The following MGAT1 variants were observed in gnomAD, a reference collection of about 807,000 sequenced individuals.
MGAT1 encodes the protein alpha-1,3-mannosyl-glycoprotein 2-beta-N-acetylglucosaminyltransferase.
Under a neutral mutation model 31.7 loss-of-function variants are expected in MGAT1, and 14 were observed. The observed-to-expected ratio is 0.44, with a 90% CI of 0.29 to 0.69. The LOEUF (loss-of-function observed/expected upper bound fraction) is 0.69, where lower values mean the gene tolerates loss of function less well. Among genes scored for constraint, MGAT1 ranks in the 30% least tolerant of loss-of-function variants. The pLI, the probability that MGAT1 is intolerant of heterozygous loss-of-function variation, is 0.12. For missense variants in MGAT1, 557 were observed against 626.0 expected (o/e 0.89, Z 1.18); for synonymous variants, 338 against 276.0 (o/e 1.22, Z -2.23).
Position 180,785,104 on chromosome 5 carries a change from T to G in MGAT1, c.*6530A>C, listed in dbSNP as rs1767483984. 1 of 152,250 alleles carries G rather than the reference T, an allele frequency of 6.6e-6. No individual in the cohort carries two copies. Among genetic ancestry groups the G allele is most frequent in the Non-Finnish European group, 1.5e-5 (1 of 68,050 alleles). 9.4% of individuals were successfully genotyped at this position (152,250 alleles called of 1,614,324 possible). The stretch of plus-strand genomic sequence containing the variant: ...GTTTTGGAAGGAAAAAATATTCCCA[T>G]CCTTTAATTCAAGAACATCTACGTA... On this transcript the variant is annotated 3_prime_UTR_variant, in exon 2 of 2. Coordinates refer to ENST00000307826, the MANE Select transcript of MGAT1 (RefSeq NM_002406.4).
intron 1 of MGAT1, among the ~76,000 whole-genome samples, chr5:180,798,745 G>A (rs956935662): frequency 6.6e-6 from 1 of 152,194 alleles, no homozygotes; most frequent in African/African-American, 2.4e-5. Flanking sequence ...TCTCTCTCCT[G>A]CTGTGGCTAT....
intron 1 of MGAT1, among the ~76,000 whole-genome samples, chr5:180,815,178 C>T (rs10040542): frequency 0.096 from 14,557 of 151,988 alleles, 803 homozygotes; most frequent in South Asian, 0.17. Flanking sequence ...CTCTTCCTCT[C>T]TTATAAAGCC....
intron 1 of MGAT1, chr5:180,809,450 C>T (rs1156510385): frequency 6.6e-6 from 1 of 152,108 alleles, no homozygotes; most frequent in Non-Finnish European, 1.5e-5. Context: ...GTCTAAAGCG[C>T]AACATAATAA....
At chr5:180,801,772 T>G (rs1380224305) in intron 1 of MGAT1, among the ~76,000 whole-genome samples, 1 of 152,196 alleles carries the variant, frequency 6.6e-6, no homozygotes, top group Non-Finnish European at 1.5e-5. Flanking sequence ...CTGACGACAG[T>G]GACAATTTCC....
chr5:180,791,252 G>A lies in MGAT1; in HGVS notation c.*382C>T, dbSNP rs932649038. On this transcript the variant is annotated 3_prime_UTR_variant, in exon 2 of 2. Coordinates refer to ENST00000307826, the MANE Select transcript of MGAT1 (RefSeq NM_002406.4). Reference sequence around the variant, plus strand: ...GGGAGCAGGTATAGAAGGAGGGCTCGTGCCCTGGCTGGAAGAGCCAGGTCA... The same window carrying A: ...GGGAGCAGGTATAGAAGGAGGGCTCATGCCCTGGCTGGAAGAGCCAGGTCA... 9.6e-5 allele frequency: 23 copies of A among 240,372 alleles called. No individual in the cohort carries two copies. Among genetic ancestry groups the A allele is most frequent in the African/African-American group, 4.1e-4 (18 of 44,126 alleles). 14.9% of individuals were successfully genotyped at this position (240,372 alleles called of 1,614,324 possible). A position where few individuals can be genotyped will look rare whatever the true frequency, so the allele number is the denominator to read the frequency against.
rs1205663173 is a variant in MGAT1, at chr5:180,786,021, T to C, written c.*5613A>G. ...CTGTCTGCCCACTGCTTTTGTTCCA[T>C]AAAGAATGAGGCTTGCCCTCCCTTC... is the stretch of plus-strand genomic sequence containing the variant. On this transcript the variant is annotated 3_prime_UTR_variant, in exon 2 of 2. Coordinates refer to ENST00000307826, the MANE Select transcript of MGAT1 (RefSeq NM_002406.4). 6.6e-6 allele frequency: 1 copy of C among 152,264 alleles called. No individual in the cohort carries two copies. The highest frequency in any genetic ancestry group is 2.4e-5 in the African/African-American group (1 of 41,458). 9.4% of individuals were successfully genotyped at this position (152,264 alleles called of 1,614,324 possible).
chr5:180,797,914 G>GA (rs1769851736), intron 1 of MGAT1, among the ~76,000 whole-genome samples: 1 of 118,934 alleles, frequency 8.4e-6, no homozygotes, highest in African/African-American at 3.1e-5. Flanking sequence ...AGGATCCTCA[G>GA]CTCTGCCTGG....
rs1300053419 is a variant in MGAT1, at chr5:180,787,927, C to T, written c.*3707G>A. 6.6e-6 allele frequency: 1 copy of T among 152,486 alleles called. No individual in the cohort carries two copies. The highest frequency in any genetic ancestry group is 1.5e-5 in the Non-Finnish European group (1 of 68,216). 9.4% of individuals were successfully genotyped at this position (152,486 alleles called of 1,614,324 possible). On this transcript the variant is annotated 3_prime_UTR_variant, in exon 2 of 2. Coordinates refer to ENST00000307826, the MANE Select transcript of MGAT1 (RefSeq NM_002406.4). ...GGCCAAGAGGCTTGAGGAGGGAAGG[C>T]TGCCCGGAAGGCAGTCTGTCCTGGA...
At chr5:180,812,890 A>T (rs746294464) in intron 1 of MGAT1, among the ~76,000 whole-genome samples, 17 of 152,208 alleles carry the variant, frequency 1.1e-4, no homozygotes, top group Non-Finnish European at 2.1e-4. Flanking sequence ...ATGATAAAAT[A>T]AAAAAGCAAA....
chr5:180,801,291 T>C (rs1345839008), intron 1 of MGAT1, among the ~76,000 whole-genome samples: 1 of 152,226 alleles, frequency 6.6e-6, no homozygotes, highest in Non-Finnish European at 1.5e-5. Flanking sequence ...AGCTGTAAAA[T>C]TAAGTACAGA....
At position 180,787,750 on chromosome 5, in the gene MGAT1, C is replaced by T. The variant is rs1767670643; in HGVS notation, c.*3884G>A. Reference sequence around the variant, plus strand: ...GCTCTGAGGGCTTCGTCTCCGTTTCCCTGGCCCCTCAGCCTTGGCAGGCTT... The same window carrying T: ...GCTCTGAGGGCTTCGTCTCCGTTTCTCTGGCCCCTCAGCCTTGGCAGGCTT... On this transcript the variant is annotated 3_prime_UTR_variant, in exon 2 of 2. Coordinates refer to ENST00000307826, the MANE Select transcript of MGAT1 (RefSeq NM_002406.4). The T allele has an allele frequency of 6.6e-6, 1 of 152,308 alleles. No homozygotes were observed. The highest frequency in any genetic ancestry group is 6.5e-5 in the Admixed American group (1 of 15,274). 9.4% of individuals were successfully genotyped at this position (152,308 alleles called of 1,614,324 possible).
rs145314209 is a variant in MGAT1, at chr5:180,810,856, C to T, written c.-545-1790G>A. 6.8e-3 allele frequency: 1,036 copies of T among 152,364 alleles called. 9 individuals carry two copies. The highest frequency in any genetic ancestry group is 0.015 in the South Asian group (73 of 4,830). The allele number at this position is 152,364 out of a possible 1,614,324, so 9.4% of individuals were successfully genotyped here. On this transcript the variant is annotated intron_variant, in intron 1 of 2. Coordinates refer to the MGAT1 transcript ENST00000333055. ...GACGAGGCAGGGCCCTTGCAGGGTG[C>T]GCCCGCGCTGCCCTCTGACAGGTGC...
At chr5:180,806,078 G>A (rs1261801873), upstream of MGAT1, among the ~76,000 whole-genome samples, 1 of 152,144 alleles carries the variant, frequency 6.6e-6, no homozygotes, top group Non-Finnish European at 1.5e-5. Context: ...ACAAGGTCAG[G>A]AGATTGAGAC....
Position 180,791,902 on chromosome 5 carries a change from T to A in MGAT1, c.1070A>T (p.Asp357Val). Reference protein sequence around the residue: ...SYLQREAYDRDFLARVYGAPQ... With the variant: ...SYLQREAYDRVFLARVYGAPQ... Reference sequence around the variant, plus strand: ...AGCACCGTAGACGCGGGCGAGGAAATCTCGGTCATAGGCCTCCCGCTGCAG... The same window carrying A: ...AGCACCGTAGACGCGGGCGAGGAAAACTCGGTCATAGGCCTCCCGCTGCAG... Residue 357 changes from aspartate (D) to valine (V), a missense_variant, in exon 2 of 2, where the codon GAT (aspartate) becomes GTT (valine). Transcript: ENST00000307826. The A allele has an allele frequency of 6.2e-7, 1 of 1,614,150 alleles. No homozygotes were observed. Among genetic ancestry groups the A allele is most frequent in the Non-Finnish European group, 8.5e-7 (1 of 1,180,024 alleles).
chr5:180,802,013 A>C (rs6893442), intron 1 of MGAT1, among the ~76,000 whole-genome samples: 18,846 of 152,150 alleles, frequency 0.12, 1,232 homozygotes, highest in East Asian at 0.24. Flanking sequence ...AATACCGTAA[A>C]TGACTGAAAA....
rs199977607 is a variant in MGAT1, at chr5:180,792,465, G to A, written c.507C>T (p.Ser169=). The A allele has an allele frequency of 3.1e-6, 5 of 1,612,850 alleles. No homozygotes were observed. Among genetic ancestry groups the A allele is most frequent in the Non-Finnish European group, 8.5e-7 (1 of 1,179,824 alleles). The change falls in exon 2 of 2, where the codon AGC becomes AGT. Residue 169 remains serine, a synonymous_variant. Transcript: ENST00000307826. ...VTHIRQPDLS[S]IAVPPDHRKF... Reference sequence around the variant, plus strand: ...TGCGGTGGTCCGGCGGCACCGCAATGCTGCTCAGGTCGGGCTGCCGGATGT... The same window carrying A: ...TGCGGTGGTCCGGCGGCACCGCAATACTGCTCAGGTCGGGCTGCCGGATGT...
rs1324866021 is a variant in MGAT1 at position 180,792,570 on chromosome 5, G to A, written c.402C>T (p.Leu134=). ...AGTCCTGGCTAACGATGATGGGGAA[G>A]AGCTCAGCCGAGGGCCGATAATGCA... ...KLLHYRPSAE[L]FPIIVSQDCG... The change falls in exon 2 of 2, where the codon CTC becomes CTT. Residue 134 remains leucine, a synonymous_variant. Coordinates refer to ENST00000307826, the MANE Select transcript of MGAT1 (RefSeq NM_002406.4). 1.2e-6 allele frequency: 2 copies of A among 1,612,310 alleles called. No individual in the cohort carries two copies. Among genetic ancestry groups the A allele is most frequent in the East Asian group, 2.2e-5 (1 of 44,842 alleles).
In MGAT1 at chr5:180,789,502, C is replaced by CA. The variant is rs1336679697; in HGVS notation, c.*2131dup. On this transcript the variant is annotated 3_prime_UTR_variant, in exon 2 of 2. Transcript: ENST00000307826. Reference sequence around the variant, plus strand: ...TTCACCATGTTAGCCAGGCTGGTCTCAAACTCCTGAAGTGATCCACCCGCC... The same window carrying CA: ...TTCACCATGTTAGCCAGGCTGGTCTCAAAACTCCTGAAGTGATCCACCCGCC... The CA allele has an allele frequency of 6.6e-6, 1 of 152,240 alleles. No individual in the cohort carries two copies. Among genetic ancestry groups the CA allele is most frequent in the Non-Finnish European group, 1.5e-5 (1 of 68,098 alleles). 9.4% of individuals were successfully genotyped at this position (152,240 alleles called of 1,614,324 possible).
intron 1 of MGAT1, chr5:180,815,407 C>G (rs1263822670): frequency 6.5e-6 from 1 of 152,730 alleles, no homozygotes; most frequent in Non-Finnish European, 1.5e-5. Flanking sequence ...AGTCCCCTCA[C>G]AGATACCTCT....
Sources: gnomAD v4.1 joint callset for allele counts (sites outside exome capture counted in the v4.1 genomes callset) on GRCh38, gnomAD v4.1.1 for gene constraint, MANE v1.5 for transcripts, NCBI Gene and HGNC (gene_info 2026-07-23, HGNC 2026-07-21) for gene names.